Variants in SLF2 observed in about 807,000 individuals in gnomAD.
SLF2 encodes the protein SMC5-SMC6 complex localization factor protein 2.
In SLF2, 68 loss-of-function variants were observed where a neutral mutation model predicts 124.3. The ratio of observed to expected loss-of-function variants is 0.55; its 90% CI spans 0.45 to 0.67. The LOEUF (loss-of-function observed/expected upper bound fraction) is 0.67, where lower values mean the gene tolerates loss of function less well. SLF2 is among the 30% of genes least tolerant of loss of function. The pLI, the probability that SLF2 is intolerant of heterozygous loss-of-function variation, is 0.00. For missense variants in SLF2, 1,246 were observed against 1,373.7 expected (o/e 0.91, Z 1.47); for synonymous variants, 480 against 478.8 (o/e 1.00, Z -0.03).
intron 18 of SLF2, among the ~76,000 whole-genome samples, chr10:100,958,263 C>G (rs1176640529): frequency 6.6e-6 from 1 of 151,900 alleles, no homozygotes; most frequent in Admixed American, 6.6e-5. Flanking sequence ...TGAACAATGC[C>G]CATTCAGATT....
In SLF2 at chr10:100,949,862, T is replaced by C. The variant is rs539097392; in HGVS notation, c.3121-214T>C. Among the ~76,000 whole-genome samples the C allele has an allele frequency of 5.3e-5, 8 of 152,184 alleles. No individual in the cohort carries two copies. In the South Asian group the frequency reaches 1.0e-3, roughly 20 times the overall value. ...TCACCTCCCTTGGCCTCTGAAAGTGTTGGGATTACAGGTGTGAGCCACCGT... is the reference window on the plus strand; with the variant it reads ...TCACCTCCCTTGGCCTCTGAAAGTGCTGGGATTACAGGTGTGAGCCACCGT... On this transcript the variant is annotated intron_variant, in intron 15 of 19. Transcript: ENST00000238961.
chr10:100,918,449 CAAAATT>C lies in SLF2; in HGVS notation c.973+12_973+17del, dbSNP rs1564769788. The C allele has an allele frequency of 6.5e-7, 1 of 1,549,774 alleles. No homozygotes were observed. ...CATGGGAACCTACTTCAGGTAGAAT[CAAAATT>C]AAATTTATGGATTTCTAAATAAATT... On this transcript the variant is annotated intron_variant, in intron 4 of 19. Transcript: ENST00000238961.
At position 100,962,865 on chromosome 10, in the gene SLF2, G is replaced by GTGTGCGCT. The variant is rs1850449473; in HGVS notation, c.*957_*964dup. Reference sequence around the variant, plus strand: ...TATGTGTGTGTGTGTGTGTGTGTGTGTGTGCGCTTGTATCTTGAAGTTGTT... The same window carrying GTGTGCGCT: ...TATGTGTGTGTGTGTGTGTGTGTGTGTGTGCGCTTGTGCGCTTGTATCTTGAAGTTGTT... On this transcript the variant is annotated 3_prime_UTR_variant, in exon 20 of 20. Transcript: ENST00000238961. 1 of 152,446 alleles carries GTGTGCGCT rather than the reference G, an allele frequency of 6.6e-6. No individual in the cohort carries two copies. Among genetic ancestry groups the GTGTGCGCT allele is most frequent in the South Asian group, 2.1e-4 (1 of 4,822 alleles). The allele number at this position is 152,446 out of a possible 1,614,324, so 9.4% of individuals were successfully genotyped here. A position where few individuals can be genotyped will look rare whatever the true frequency, so the allele number is the denominator to read the frequency against.
At position 100,964,617 on chromosome 10, in the gene SLF2, A is replaced by G. The variant is rs1367343268; in HGVS notation, c.*2705A>G. 4 of 152,640 alleles carry G rather than the reference A, an allele frequency of 2.6e-5. No individual in the cohort carries two copies. The highest frequency in any genetic ancestry group is 2.0e-4 in the Admixed American group (3 of 15,286). The allele number at this position is 152,640 out of a possible 1,614,324, so 9.5% of individuals were successfully genotyped here. On this transcript the variant is annotated 3_prime_UTR_variant, in exon 20 of 20. Transcript: ENST00000238961. ...ATAGTAGCTTGCTTTCAGCTTCACAAAAATCTCCTCAAATGTAAAAGATAC... is the reference window on the plus strand; with the variant it reads ...ATAGTAGCTTGCTTTCAGCTTCACAGAAATCTCCTCAAATGTAAAAGATAC...
intron 17 of SLF2, among the ~76,000 whole-genome samples, chr10:100,951,382 TG>T (rs1332673633): frequency 6.6e-6 from 1 of 152,268 alleles, no homozygotes; most frequent in African/African-American, 2.4e-5. Flanking sequence ...GGTGTTGTGC[TG>T]GACCCATATT....
intron 11 of SLF2, 38 bp downstream of exon 11, chr10:100,938,774 TTTCG>T (rs752456646): frequency 2.6e-6 from 4 of 1,551,108 alleles, no homozygotes; most frequent in Non-Finnish European, 3.5e-6. Flanking sequence ...AAAAATATCA[TTTCG>T]TACGACTTAT....
intron 1 of SLF2, among the ~76,000 whole-genome samples, chr10:100,914,313 T>TG (rs1491521708): frequency 1.9e-3 from 99 of 53,234 alleles, no homozygotes; most frequent in African/African-American, 3.1e-3. Flanking sequence ...TGTGTGTGTG[T>TG]TTTTTTTTAA....
intron 15 of SLF2, among the ~76,000 whole-genome samples, chr10:100,949,670 A>T (rs533885018): frequency 7.3e-5 from 11 of 151,602 alleles, no homozygotes; most frequent in Admixed American, 5.9e-4. Context: ...ATCTCGGCTC[A>T]CTGCAACCTC....
chr10:100,932,814 G>A (rs1021520698), intron 9 of SLF2, among the ~76,000 whole-genome samples: 5 of 152,056 alleles, frequency 3.3e-5, no homozygotes, highest in African/African-American at 9.7e-5. Flanking sequence ...AGAGAGTACC[G>A]GGGTGAGAGA....
In SLF2 at chr10:100,956,509, A is replaced by G; in HGVS notation, c.3389A>G (p.Glu1130Gly). 22 of 1,613,148 alleles carry G rather than the reference A, an allele frequency of 1.4e-5. No individual in the cohort carries two copies. The highest frequency in any genetic ancestry group is 1.8e-5 in the Non-Finnish European group (21 of 1,179,666). The change falls in exon 18 of 20, where the codon GAA becomes GGA. Residue 1130 changes from glutamate to glycine, a missense_variant. By Grantham distance (98) the Glu-to-Gly change is moderately conservative. Coordinates refer to ENST00000238961, the MANE Select transcript of SLF2 (RefSeq NM_018121.4). ...LEKHVKCDIR[E>G]DARLFYRTKV... The stretch of plus-strand genomic sequence containing the variant: ...AAGCATGTTAAATGTGATATTAGGG[A>G]AGATGCAAGACTTTTTTACAGAACT...
Position 100,963,546 on chromosome 10 carries a change from A to G in SLF2, c.*1634A>G, listed in dbSNP as rs1246527372. ...AGATACAAAGAGTTCTATTTGACAG[A>G]AGCTTGAAACTCTGGCATCTATCTG... is the stretch of plus-strand genomic sequence containing the variant. On this transcript the variant is annotated 3_prime_UTR_variant, in exon 20 of 20. Coordinates refer to ENST00000238961, the MANE Select transcript of SLF2 (RefSeq NM_018121.4). 1.3e-5 allele frequency: 2 copies of G among 152,614 alleles called. No homozygotes were observed. Among genetic ancestry groups the G allele is most frequent in the Non-Finnish European group, 2.9e-5 (2 of 68,032 alleles). The allele number at this position is 152,614 out of a possible 1,614,324, so 9.5% of individuals were successfully genotyped here.
rs1175864267 is a variant in SLF2 at position 100,962,061 on chromosome 10, TGAA to T, written c.*153_*155del. On this transcript the variant is annotated 3_prime_UTR_variant, in exon 20 of 20. Transcript: ENST00000238961. ...TGAATATCTAGTATGAAGCTGGTAA[TGAA>T]GAAATTGCCATTTCTGAAGCAGATA... 16 of 655,584 alleles carry T rather than the reference TGAA, an allele frequency of 2.4e-5. No homozygotes were observed. The highest frequency in any genetic ancestry group is 8.4e-5 in the East Asian group (3 of 35,918). The allele number at this position is 655,584 out of a possible 1,614,324, so 40.6% of individuals were successfully genotyped here.
chr10:100,950,457 T>C (rs1375906630), intron 16 of SLF2, among the ~76,000 whole-genome samples: 1 of 152,208 alleles, frequency 6.6e-6, no homozygotes, highest in Non-Finnish European at 1.5e-5. Flanking sequence ...TGTAGCCCTT[T>C]ATTAGGGCAG....
chr10:100,958,671 A>G lies in SLF2; in HGVS notation c.3418-757A>G, dbSNP rs560171208. Among the ~76,000 whole-genome samples, 5 of 152,358 alleles carry G rather than the reference A, an allele frequency of 3.3e-5. No individual in the cohort carries two copies. The East Asian group carries it at 7.7e-4, about 23-fold the overall frequency. Reference sequence around the variant, plus strand: ...AGCCTCTATTATAGAAAAGTTGGTGATTGTTTTGGAGAAATTTGAACTGTA... The same window carrying G: ...AGCCTCTATTATAGAAAAGTTGGTGGTTGTTTTGGAGAAATTTGAACTGTA... On this transcript the variant is annotated intron_variant, in intron 18 of 19. Coordinates refer to ENST00000238961, the MANE Select transcript of SLF2 (RefSeq NM_018121.4).
At chr10:100,932,563 C>T (rs766917151) in intron 9 of SLF2, among the ~76,000 whole-genome samples, 6 of 152,038 alleles carry the variant, frequency 3.9e-5, no homozygotes, top group African/African-American at 9.7e-5. Flanking sequence ...TACAGACTTT[C>T]GTTCATTGTT....
chr10:100,942,433 A>G (rs1849998796), intron 11 of SLF2, among the ~76,000 whole-genome samples: 1 of 152,186 alleles, frequency 6.6e-6, no homozygotes. Context: ...TACGTTGCGC[A>G]AGGTATGGGG....
intron 9 of SLF2, among the ~76,000 whole-genome samples, chr10:100,933,881 G>T (rs551741533): frequency 1.3e-5 from 2 of 152,312 alleles, no homozygotes; most frequent in South Asian, 4.1e-4. Flanking sequence ...GTTTTACCAT[G>T]TTGGTCAGGC....
chr10:100,947,011 A>C, intron 13 of SLF2, 28 bp from the exon 14 acceptor site: 3 of 1,573,204 alleles, frequency 1.9e-6, no homozygotes, highest in South Asian at 1.1e-5. Context: ...CTGTTTGAAA[A>C]GAAATCTTAC....
At position 100,930,979 on chromosome 10, in the gene SLF2, G is replaced by A. The variant is rs751900166; in HGVS notation, c.2337G>A (p.Ser779=). 6.8e-5 allele frequency: 110 copies of A among 1,612,566 alleles called. No homozygotes were observed. In the Admixed American group the frequency reaches 1.4e-3, roughly 21 times the overall value. The change falls in exon 9 of 20, where the codon TCG becomes TCA. Residue 779 remains serine (S), a synonymous_variant. Coordinates refer to ENST00000238961, the MANE Select transcript of SLF2 (RefSeq NM_018121.4). Reference sequence around the variant, plus strand: ...TGATTTTACTTTATTTTTTCAGATCGGGAAAAACAGATCAGATTTTTTTGA... The same window carrying A: ...TGATTTTACTTTATTTTTTCAGATCAGGAAAAACAGATCAGATTTTTTTGA... ...QSAVEKLILK[S]GKTDQIFLTT...
Sources: allele counts gnomAD v4.1 joint callset (sites outside exome capture counted in the v4.1 genomes callset), GRCh38; gene constraint gnomAD v4.1.1; transcripts MANE v1.5; gene names NCBI Gene and HGNC (gene_info 2026-07-23, HGNC 2026-07-21).